Variants in LOXHD1 observed in about 807,000 individuals in gnomAD.
LOXHD1 encodes lipoxygenase homology PLAT domains 1.
A neutral mutation model predicts 248.2 loss-of-function variants in LOXHD1; 205 were observed. That is an observed-to-expected ratio of 0.83 (90% CI 0.74 to 0.93). LOXHD1 has a LOEUF of 0.93. LOXHD1 is among the 40% of genes least tolerant of loss of function. The probability of loss-of-function intolerance (pLI) is 0.00; values close to 1 mark genes in which losing one functional copy is unlikely to be tolerated. For missense variants in LOXHD1, 2,930 were observed against 2,971.6 expected (o/e 0.99, Z 0.33); for synonymous variants, 1,113 against 1,162.8 (o/e 0.96, Z 0.87).
intron 31 of LOXHD1, among the ~76,000 whole-genome samples, 166 bp downstream of exon 31, chr18:46,524,300 G>T (rs941193581): frequency 6.6e-6 from 1 of 152,190 alleles, no homozygotes; most frequent in Non-Finnish European, 1.5e-5. Context: ...ACCTTGCAGG[G>T]TTGTTCTGGG....
chr18:46,572,541 T>C (rs2037772857), intron 14 of LOXHD1, among the ~76,000 whole-genome samples: 5 of 151,950 alleles, frequency 3.3e-5, no homozygotes, highest in Admixed American at 3.3e-4. Context: ...GAACAACAGG[T>C]AGAGAGCTGG....
At chr18:46,512,138 AACATAG>A (rs1200953843) in intron 34 of LOXHD1, among the ~76,000 whole-genome samples, 3 of 152,206 alleles carry the variant, frequency 2.0e-5, no homozygotes, top group African/African-American at 7.2e-5. Flanking sequence ...ATTCTGCTAA[AACATAG>A]ACATAAACAT....
In LOXHD1 at chr18:46,487,946, C is replaced by T. The variant is rs565630935; in HGVS notation, c.6049+1026G>A. On this transcript the variant is annotated intron_variant, in intron 38 of 40. Transcript: ENST00000642948. ...TACATACAACCAAGAGTCCTGACCA[C>T]TCCTGAAATTTTCTGTTTGACTCCA... is the stretch of plus-strand genomic sequence containing the variant. 2.0e-5 allele frequency among the ~76,000 whole-genome samples: 3 copies of T among 152,292 alleles called. No individual in the cohort carries two copies. The South Asian group carries it at 6.2e-4, about 32-fold the overall frequency.
chr18:46,550,231 GTTAT>G (rs2037031198), intron 21 of LOXHD1, among the ~76,000 whole-genome samples: 1 of 152,196 alleles, frequency 6.6e-6, no homozygotes, highest in Non-Finnish European at 1.5e-5. Context: ...GAATTTTTAG[GTTAT>G]TTGTTAATAT....
chr18:46,633,951 G>T (rs1361443745), intron 4 of LOXHD1, among the ~76,000 whole-genome samples: 2 of 152,222 alleles, frequency 1.3e-5, no homozygotes, highest in Non-Finnish European at 2.9e-5. Flanking sequence ...AATAGCGAGT[G>T]TTGGTCAGGA....
chr18:46,617,213 C>T (rs1179889945), intron 5 of LOXHD1, among the ~76,000 whole-genome samples: 2 of 152,106 alleles, frequency 1.3e-5, no homozygotes, highest in East Asian at 3.9e-4. Context: ...GTATCAATTT[C>T]TCAGTATTTT....
rs1314263626 is a variant in LOXHD1, at chr18:46,642,003, A to G, written c.279T>C (p.Asp93=). 1.3e-6 allele frequency: 2 copies of G among 1,552,372 alleles called. No homozygotes were observed. Among genetic ancestry groups the G allele is most frequent in the Non-Finnish European group, 8.7e-7 (1 of 1,147,120 alleles). The change falls in exon 3 of 41, where the codon GAT becomes GAC. Residue 93 remains aspartate (D), a synonymous_variant. Coordinates refer to ENST00000642948, the MANE Select transcript of LOXHD1 (RefSeq NM_001384474.1). ...SKSAFEKGNV[D]VFRVRTNNVG... ...CATTGTTGGTTCTCACCCGGAACAC[A>G]TCGACGTTGCCCTTCTCAAAGGCAG...
chr18:46,482,922 GGCTCCTTCTCAGCA>G (rs1295186429), intron 40 of LOXHD1, among the ~76,000 whole-genome samples: 4 of 152,286 alleles, frequency 2.6e-5, no homozygotes, highest in African/African-American at 9.6e-5. Flanking sequence ...ACCCTCCCCT[GGCTCCTTCTCAGCA>G]CCTTTCCTGC....
At chr18:46,493,094 T>A (rs2033599618) in intron 37 of LOXHD1, among the ~76,000 whole-genome samples, 1 of 152,234 alleles carries the variant, frequency 6.6e-6, no homozygotes, top group African/African-American at 2.4e-5. Context: ...TATTTCATAC[T>A]ACTCACAACT....
At chr18:46,526,154 C>T (rs1417675841) in intron 29 of LOXHD1, among the ~76,000 whole-genome samples, 1 of 152,236 alleles carries the variant, frequency 6.6e-6, no homozygotes, top group Non-Finnish European at 1.5e-5. Flanking sequence ...CCCTGAGATA[C>T]AGCAATTCCA....
chr18:46,588,275 G>T (rs2038099259), intron 12 of LOXHD1, among the ~76,000 whole-genome samples: 1 of 151,972 alleles, frequency 6.6e-6, no homozygotes, highest in Admixed American at 6.6e-5. Context: ...AGTTTGTTTG[G>T]GCTCTGAAAT....
chr18:46,563,166 G>T lies in LOXHD1; in HGVS notation c.2497C>A (p.Arg833=), dbSNP rs188119157. 7.2e-6 allele frequency: 11 copies of T among 1,531,032 alleles called. No homozygotes were observed. The highest frequency in any genetic ancestry group is 6.2e-6 in the Non-Finnish European group (7 of 1,129,822). The allele number at this position is 1,531,032 out of a possible 1,614,324, so 94.8% of individuals were successfully genotyped here. Residue 833 remains arginine, a synonymous_variant, in exon 18 of 41, where the codon CGA becomes AGA. Coordinates refer to ENST00000642948, the MANE Select transcript of LOXHD1 (RefSeq NM_001384474.1). ...GDVGGAGTSA[R]VYMQIYGEKG... is the part of the protein sequence containing the mutation. ...TCTCCATAGATCTGCATGTAGACTC[G>T]GGCACTGGTGCCTGCGCCACCCACA...
At chr18:46,549,051 A>G (rs1250844084) in intron 21 of LOXHD1, among the ~76,000 whole-genome samples, 5 of 152,214 alleles carry the variant, frequency 3.3e-5, no homozygotes, top group Non-Finnish European at 7.3e-5. Context: ...CAGTGCCAAC[A>G]AGCACACATG....
At position 46,571,932 on chromosome 18, in the gene LOXHD1, T is replaced by C. The variant is rs435770; in HGVS notation, c.2047+154A>G. The stretch of plus-strand genomic sequence containing the variant: ...TGTGTGCAGGAGCACAGGCAGGAAC[T>C]CTCCAGACACTCCCTCGGAGCCTCC... On this transcript the variant is annotated intron_variant, in intron 15 of 40. Coordinates refer to ENST00000642948, the MANE Select transcript of LOXHD1 (RefSeq NM_001384474.1). Among the ~76,000 whole-genome samples, 63,046 of 152,002 alleles carry C rather than the reference T, an allele frequency of 0.41. 15,021 individuals are homozygous for C. The highest frequency in any genetic ancestry group is 0.55 in the East Asian group (2,843 of 5,156).
chr18:46,572,016 G>T, intron 15 of LOXHD1, 70 bp downstream of exon 15: 2 of 1,344,524 alleles, frequency 1.5e-6, no homozygotes, highest in Non-Finnish European at 1.0e-6. Context: ...TTTTCTTGAA[G>T]GGCTTAGCTG....
At chr18:46,600,322 G>A (rs965041354) in intron 8 of LOXHD1, among the ~76,000 whole-genome samples, 22 of 152,324 alleles carry the variant, frequency 1.4e-4, no homozygotes, top group African/African-American at 5.3e-4. Context: ...GTTATGGCCA[G>A]GAGCGATGGC....
In LOXHD1 at chr18:46,587,140, C is replaced by T. The variant is rs549645120; in HGVS notation, c.1654+4793G>A. Among the ~76,000 whole-genome samples, 48 of 152,310 alleles carry T rather than the reference C, an allele frequency of 3.2e-4. No individual in the cohort carries two copies. The South Asian group carries it at 3.3e-3, about 11-fold the overall frequency. On this transcript the variant is annotated intron_variant, in intron 12 of 40. Transcript: ENST00000642948. Reference sequence around the variant, plus strand: ...GCACCTGAAATTTAACCATCATTGTCTTCTCTAATCAACTCGTTTAAAATT... The same window carrying T: ...GCACCTGAAATTTAACCATCATTGTTTTCTCTAATCAACTCGTTTAAAATT...
chr18:46,519,272 T>C (rs1354181110), intron 33 of LOXHD1, among the ~76,000 whole-genome samples: 1 of 152,174 alleles, frequency 6.6e-6, no homozygotes, highest in Non-Finnish European at 1.5e-5. Context: ...CCTGGTCCAG[T>C]GTGTCCCTTC....
chr18:46,506,509 C>T (rs976323963), intron 36 of LOXHD1, among the ~76,000 whole-genome samples: 4 of 152,230 alleles, frequency 2.6e-5, no homozygotes, highest in Non-Finnish European at 5.9e-5. Flanking sequence ...AAAGCAAATG[C>T]TTCTGGAAGG....
Sources: gnomAD v4.1 joint callset for allele counts (sites outside exome capture counted in the v4.1 genomes callset) on GRCh38, gnomAD v4.1.1 for gene constraint, MANE v1.5 for transcripts, NCBI Gene and HGNC (gene_info 2026-07-23, HGNC 2026-07-21) for gene names.